The following RORB variants were observed in gnomAD, a reference collection of about 807,000 sequenced individuals.
RORB encodes the protein RAR related orphan receptor B, also known as nuclear receptor ROR-beta.
A neutral mutation model predicts 59.1 loss-of-function variants in RORB; 6 were observed. That is an observed-to-expected ratio of 0.10 (90% CI 0.06 to 0.20). The LOEUF is 0.20. Ranked by LOEUF, RORB falls within the 10% of genes least tolerant of loss-of-function variation. RORB has a pLI of 1.00. For synonymous variants in RORB, 215 were observed against 204.5 expected, an observed-to-expected ratio of 1.05 and a Z score of -0.44; for missense variants, 320 against 560.5, an observed-to-expected ratio of 0.57 and a Z score of 4.33.
At chr9:74,659,120 G>A (rs941590907) in intron 4 of RORB, among the ~76,000 whole-genome samples, 7 of 152,090 alleles carry the variant, frequency 4.6e-5, no homozygotes, top group Non-Finnish European at 8.8e-5. Flanking sequence ...AAGGATAACC[G>A]GGGCTACCAT....
intron 1 of RORB, among the ~76,000 whole-genome samples, chr9:74,580,252 A>C (rs945465807): frequency 1.3e-5 from 2 of 152,166 alleles, no homozygotes; most frequent in African/African-American, 2.4e-5. Flanking sequence ...TGGAGGGATG[A>C]GGAAGTCATC....
intron 1 of RORB, among the ~76,000 whole-genome samples, chr9:74,518,159 C>G (rs563258415): frequency 6.6e-6 from 1 of 152,088 alleles, no homozygotes; most frequent in Non-Finnish European, 1.5e-5. Flanking sequence ...GGTACACCTC[C>G]CTTACTCTAG....
At chr9:74,574,087 A>C (rs1044390808) in intron 1 of RORB, among the ~76,000 whole-genome samples, 8 of 152,066 alleles carry the variant, frequency 5.3e-5, no homozygotes, top group Admixed American at 5.2e-4. Context: ...TCCGTTCTAG[A>C]TTTCCACAGC....
intron 1 of RORB, among the ~76,000 whole-genome samples, chr9:74,543,060 A>C (rs1323370): frequency 0.97 from 147,030 of 152,274 alleles, 71,186 homozygotes; most frequent in East Asian, 1. Context: ...CATGTTCATT[A>C]CATTTGCACA....
At chr9:74,651,176 T>C (rs1292817232) in intron 4 of RORB, among the ~76,000 whole-genome samples, 1 of 152,312 alleles carries the variant, frequency 6.6e-6, no homozygotes, top group East Asian at 1.9e-4. Context: ...TTTGTAAGCC[T>C]GTAAACTATA....
chr9:74,626,559 G>T (rs981376529), intron 1 of RORB, among the ~76,000 whole-genome samples: 3 of 152,128 alleles, frequency 2.0e-5, no homozygotes, highest in Non-Finnish European at 4.4e-5. Flanking sequence ...TTGTCTCTTG[G>T]GGAATACTAT....
intron 1 of RORB, among the ~76,000 whole-genome samples, chr9:74,557,687 C>T (rs1822328108): frequency 6.6e-6 from 1 of 152,040 alleles, no homozygotes; most frequent in Non-Finnish European, 1.5e-5. Flanking sequence ...CAACTTTGGC[C>T]TTAATTACGT....
intron 4 of RORB, among the ~76,000 whole-genome samples, chr9:74,643,576 A>G (rs1249864948): frequency 6.6e-6 from 1 of 152,222 alleles, no homozygotes. Flanking sequence ...ATGTTTAACC[A>G]GTTAATCTCA....
At chr9:74,613,537 G>A (rs897229906) in intron 1 of RORB, among the ~76,000 whole-genome samples, 1 of 152,124 alleles carries the variant, frequency 6.6e-6, no homozygotes, top group African/African-American at 2.4e-5. Flanking sequence ...TACTTTAGAA[G>A]TGTTTAAAAT....
At chr9:74,564,240 C>T (rs893406716) in intron 1 of RORB, among the ~76,000 whole-genome samples, 4 of 152,054 alleles carry the variant, frequency 2.6e-5, no homozygotes, top group Non-Finnish European at 5.9e-5. Flanking sequence ...TCCATCTCCC[C>T]CATGATGTGT....
chr9:74,521,131 G>T (rs955700481), intron 1 of RORB, among the ~76,000 whole-genome samples: 1 of 151,890 alleles, frequency 6.6e-6, no homozygotes, highest in East Asian at 1.9e-4. Context: ...AGCTTGAGCT[G>T]AAACTTTTGT....
chr9:74,666,491 C>A (rs907469619), intron 7 of RORB, among the ~76,000 whole-genome samples: 7 of 150,974 alleles, frequency 4.6e-5, no homozygotes, highest in Admixed American at 1.3e-4. Flanking sequence ...AAGAAATAAC[C>A]GGAGGCTGAT....
At chr9:74,655,894 T>C (rs1824070421) in intron 4 of RORB, among the ~76,000 whole-genome samples, 1 of 152,228 alleles carries the variant, frequency 6.6e-6, no homozygotes, top group African/African-American at 2.4e-5. Context: ...ACCTCTGCAC[T>C]GCAGAATAGT....
chr9:74,684,849 T>C (rs988338560), intron 9 of RORB, among the ~76,000 whole-genome samples: 1 of 152,180 alleles, frequency 6.6e-6, no homozygotes, highest in African/African-American at 2.4e-5. Context: ...TCATTATAGA[T>C]TGCACCTCAT....
chr9:74,525,951 G>A (rs1826151133), intron 1 of RORB, among the ~76,000 whole-genome samples: 2 of 151,908 alleles, frequency 1.3e-5, no homozygotes, highest in South Asian at 4.1e-4. Flanking sequence ...AAAATGACTA[G>A]TTAGAAAATA....
chr9:74,534,575 TA>T (rs1388535883), intron 1 of RORB, among the ~76,000 whole-genome samples: 3 of 151,982 alleles, frequency 2.0e-5, no homozygotes, highest in African/African-American at 7.2e-5. Flanking sequence ...TGACAGATGC[TA>T]ATTCTAATTA....
intron 8 of RORB, among the ~76,000 whole-genome samples, chr9:74,668,747 GAGA>G (rs1187859837): frequency 6.6e-6 from 1 of 152,170 alleles, no homozygotes; most frequent in Non-Finnish European, 1.5e-5. Flanking sequence ...GTAGGCTGAG[GAGA>G]AGGAGGAAGA....
intron 8 of RORB, among the ~76,000 whole-genome samples, chr9:74,669,162 G>A (rs1214187977): frequency 6.6e-6 from 1 of 152,182 alleles, no homozygotes. Flanking sequence ...AACTAGAACT[G>A]TAGTGAGTAA....
intron 9 of RORB, among the ~76,000 whole-genome samples, chr9:74,677,514 T>C (rs182663920): frequency 3.2e-4 from 49 of 152,374 alleles, no homozygotes; most frequent in Non-Finnish European, 1.2e-4. Context: ...TTTAACTGTG[T>C]GTAATGTGGC....
Sources: allele counts gnomAD v4.1 joint callset (sites outside exome capture counted in the v4.1 genomes callset), GRCh38; gene constraint gnomAD v4.1.1; transcripts MANE v1.5; gene names NCBI Gene and HGNC (gene_info 2026-07-23, HGNC 2026-07-21).